The following SFXN5 variants were observed in gnomAD, a reference collection of about 807,000 sequenced individuals.
SFXN5 encodes the protein sideroflexin-5.
In SFXN5, 43 loss-of-function variants were observed where a neutral mutation model predicts 50.2. That is an observed-to-expected ratio of 0.86 (90% CI 0.67 to 1.11). The LOEUF (loss-of-function observed/expected upper bound fraction) is 1.11. Among genes scored for constraint, SFXN5 ranks in the 50% least tolerant of loss-of-function variants. The pLI, the probability that SFXN5 is intolerant of heterozygous loss-of-function variation, is 0.00. For missense variants in SFXN5, 463 were observed against 454.1 expected (o/e 1.02, Z -0.18); for synonymous variants, 203 against 185.8 (o/e 1.09, Z -0.75).
At chr2:72,948,961 A>G (rs1672238435) in intron 13 of SFXN5, among the ~76,000 whole-genome samples, 1 of 152,132 alleles carries the variant, frequency 6.6e-6, no homozygotes, top group Non-Finnish European at 1.5e-5. Flanking sequence ...TGGTGAATGC[A>G]GATGGAGTCC....
rs1275189298 is a variant in SFXN5, at chr2:72,961,310, C to T, written c.828-62G>A. The T allele has an allele frequency of 1.7e-6, 2 of 1,205,606 alleles. No individual in the cohort carries two copies. Among genetic ancestry groups the T allele is most frequent in the Non-Finnish European group, 2.3e-6 (2 of 884,064 alleles). 74.7% of individuals were successfully genotyped at this position (1,205,606 alleles called of 1,614,324 possible). A position where few individuals can be genotyped will look rare whatever the true frequency, so the allele number is the denominator to read the frequency against. ...AAGGTGGGGTGGGCTGGCTGCCAGC[C>T]ACCATGCTGGGTCCCACTCTGTCTC... On this transcript the variant is annotated intron_variant, in intron 12 of 13. Transcript: ENST00000272433. The surrounding 1 kb of genome is among the most constrained non-coding windows in gnomAD (Gnocchi z 4.4).
intron 6 of SFXN5, among the ~76,000 whole-genome samples, chr2:73,004,309 G>GCACACACACACACA (rs1491479338): frequency 4.5e-5 from 4 of 89,512 alleles, no homozygotes; most frequent in African/African-American, 1.7e-4. Context: ...AGGAATGAGT[G>GCACACACACACACA]CGCGCGCACA....
At chr2:72,987,852 T>C (rs1444768799) in intron 10 of SFXN5, among the ~76,000 whole-genome samples, 1 of 152,258 alleles carries the variant, frequency 6.6e-6, no homozygotes, top group African/African-American at 2.4e-5. Context: ...TAATGTGCCA[T>C]GAAAACATCT....
chr2:72,968,676 T>A, intron 11 of SFXN5, 143 bp from the exon 12 acceptor site: 1 of 561,094 alleles, frequency 1.8e-6, no homozygotes. Context: ...GAAGCTGCAT[T>A]CCAAACAACA....
chr2:72,995,758 A>G (rs928392928), intron 9 of SFXN5, among the ~76,000 whole-genome samples: 2 of 152,182 alleles, frequency 1.3e-5, no homozygotes, highest in Non-Finnish European at 2.9e-5. Context: ...ATGAGGCTGT[A>G]GGACCTGGGG....
chr2:73,021,399 G>T (rs1010888298), intron 5 of SFXN5, among the ~76,000 whole-genome samples: 1 of 152,150 alleles, frequency 6.6e-6, no homozygotes, highest in African/African-American at 2.4e-5. Flanking sequence ...CAGGAGAATC[G>T]CTTGAATCTG....
chr2:73,022,862 A>G (rs933895674), intron 4 of SFXN5, among the ~76,000 whole-genome samples: 1 of 152,218 alleles, frequency 6.6e-6, no homozygotes, highest in Non-Finnish European at 1.5e-5. Flanking sequence ...GCAAAAGTCC[A>G]TGGGGAACGG....
intron 5 of SFXN5, among the ~76,000 whole-genome samples, chr2:73,021,181 G>C (rs1296868071): frequency 6.6e-6 from 1 of 152,162 alleles, no homozygotes; most frequent in African/African-American, 2.4e-5. Flanking sequence ...GCCGGGTGCA[G>C]GGACTGGGAA....
At chr2:73,047,448 A>G (rs969652524) in intron 2 of SFXN5, among the ~76,000 whole-genome samples, 1 of 150,198 alleles carries the variant, frequency 6.7e-6, no homozygotes, top group African/African-American at 2.5e-5. Flanking sequence ...TTTGCAGGAC[A>G]ATGATATGGT....
At chr2:73,022,683 A>G in intron 4 of SFXN5, 107 bp from the exon 5 acceptor site, 1 of 727,274 alleles carries the variant, frequency 1.4e-6, no homozygotes, top group Non-Finnish European at 2.4e-6. Context: ...GGGGAGGAAG[A>G]AGGGAAGAAG....
At chr2:72,995,232 A>C (rs955735201) in intron 9 of SFXN5, among the ~76,000 whole-genome samples, 2 of 152,232 alleles carry the variant, frequency 1.3e-5, no homozygotes, top group African/African-American at 4.8e-5. Flanking sequence ...TGCTTAATGC[A>C]AACTCTTGAA....
intron 10 of SFXN5, chr2:72,980,916 G>A (rs955940891): frequency 4.2e-5 from 6 of 144,320 alleles, no homozygotes; most frequent in Non-Finnish European, 8.9e-5. Context: ...CACTTTCTCT[G>A]CCTCTGGGCT....
intron 6 of SFXN5, among the ~76,000 whole-genome samples, chr2:73,012,799 G>A (rs1474745965): frequency 6.6e-6 from 1 of 151,866 alleles, no homozygotes; most frequent in Non-Finnish European, 1.5e-5. Context: ...GCAGGTGTGT[G>A]GAGGGAGGTA....
chr2:73,048,482 T>C (rs897067949), intron 2 of SFXN5, among the ~76,000 whole-genome samples: 5 of 152,234 alleles, frequency 3.3e-5, no homozygotes, highest in Admixed American at 1.3e-4. Flanking sequence ...TTCCAAAGTA[T>C]TGGGATTATA....
intron 12 of SFXN5, among the ~76,000 whole-genome samples, chr2:72,967,598 C>T (rs878882999): frequency 4.6e-4 from 70 of 152,132 alleles, no homozygotes; most frequent in African/African-American, 1.3e-3. Context: ...AATCCTTTGC[C>T]CCAGAACCCC....
At position 72,950,806 on chromosome 2, in the gene SFXN5, C is replaced by A. The variant is rs2105328436; in HGVS notation, c.946-5707G>T. ...AACTCCACCCCGCAGAAGGCCAGAG[C>A]CCCAGGGCAGTGGGTCGAGGGGCAG... On this transcript the variant is annotated intron_variant, in intron 13 of 13. Coordinates refer to ENST00000272433, the MANE Select transcript of SFXN5 (RefSeq NM_144579.3). The surrounding 1 kb of genome is among the most constrained non-coding windows in gnomAD (Gnocchi z 4.2). 6.6e-6 allele frequency among the ~76,000 whole-genome samples: 1 copy of A among 152,360 alleles called. No individual in the cohort carries two copies. Among genetic ancestry groups the A allele is most frequent in the African/African-American group, 2.4e-5 (1 of 41,586 alleles).
intron 12 of SFXN5, among the ~76,000 whole-genome samples, chr2:72,968,101 G>C (rs1037598336): frequency 6.7e-6 from 1 of 149,538 alleles, no homozygotes; most frequent in Non-Finnish European, 1.5e-5. Flanking sequence ...TATTCACTGA[G>C]AGCATGTGAG....
intron 3 of SFXN5, among the ~76,000 whole-genome samples, chr2:73,028,923 C>T (rs909745072): frequency 3.3e-5 from 5 of 152,200 alleles, no homozygotes; most frequent in African/African-American, 7.2e-5. Flanking sequence ...TGTGTGGCCC[C>T]GGGGAAATCA....
At position 73,035,977 on chromosome 2, in the gene SFXN5, G is replaced by T. The variant is rs139681276; in HGVS notation, c.249+4877C>A. The stretch of plus-strand genomic sequence containing the variant: ...ATGACAAACTGGGTAAAAAAAGAGA[G>T]TGTCACAAGTTAACCAGCACTGCCC... On this transcript the variant is annotated intron_variant, in intron 3 of 13. Transcript: ENST00000272433. 3.0e-3 allele frequency among the ~76,000 whole-genome samples: 456 copies of T among 152,334 alleles called. 8 individuals carry two copies. Among genetic ancestry groups the T allele is most frequent in the African/African-American group, 0.011 (444 of 41,574 alleles).
Sources: allele counts gnomAD v4.1 joint callset (sites outside exome capture counted in the v4.1 genomes callset), GRCh38; gene constraint gnomAD v4.1.1; non-coding constraint Gnocchi (gnomAD v3.1); transcripts MANE v1.5; gene names NCBI Gene and HGNC (gene_info 2026-07-23, HGNC 2026-07-21).